Variants in PBX1 observed in about 807,000 individuals in gnomAD.
The protein encoded by PBX1 is PBX homeobox 1, also known as pre-B-cell leukemia transcription factor 1.
A neutral mutation model predicts 53.4 loss-of-function variants in PBX1; 6 were observed. The ratio of observed to expected loss-of-function variants is 0.11; its 90% CI spans 0.06 to 0.22. PBX1 has a LOEUF of 0.22. Ranked by LOEUF, PBX1 falls within the 10% of genes least tolerant of loss-of-function variation. PBX1 has a pLI of 1.00. For missense variants in PBX1, 251 were observed against 551.4 expected (o/e 0.46, Z 5.46); for synonymous variants, 204 against 212.3 (o/e 0.96, Z 0.34).
intron 2 of PBX1, among the ~76,000 whole-genome samples, chr1:164,666,543 A>C (rs1660817477): frequency 6.6e-6 from 1 of 151,988 alleles, no homozygotes; most frequent in South Asian, 2.1e-4. Flanking sequence ...CTGATGGAGC[A>C]AATATTCTGC....
intron 2 of PBX1, among the ~76,000 whole-genome samples, chr1:164,726,733 C>T (rs1368934402): frequency 6.6e-6 from 1 of 152,078 alleles, no homozygotes; most frequent in Non-Finnish European, 1.5e-5. Flanking sequence ...CTAGTAAAAG[C>T]AGCTCTGTAC....
chr1:164,839,430 G>GATAA (rs1227490739), intron 8 of PBX1, among the ~76,000 whole-genome samples: 1 of 152,146 alleles, frequency 6.6e-6, no homozygotes, highest in African/African-American at 2.4e-5. Context: ...GATTTTAAAT[G>GATAA]ATAAATAAAA....
intron 5 of PBX1, among the ~76,000 whole-genome samples, chr1:164,811,030 A>G (rs1423377241): frequency 2.6e-5 from 4 of 152,188 alleles, no homozygotes; most frequent in African/African-American, 9.7e-5. Context: ...TATCAATGAT[A>G]TGTAAGCTGT....
intron 2 of PBX1, among the ~76,000 whole-genome samples, chr1:164,652,398 CT>C (rs1489786884): frequency 1.3e-5 from 2 of 152,152 alleles, no homozygotes; most frequent in African/African-American, 4.8e-5. Flanking sequence ...TCTATATAAC[CT>C]TGTGTCATTT....
Position 164,617,536 on chromosome 1 carries a change from A to T in PBX1, c.265+54225A>T, listed in dbSNP as rs191493472. Reference sequence around the variant, plus strand: ...AGGAAGCGTTGTATTGCCAAGTAAGATTGGGAGTTAAAAGAGCTTTCTGAA... The same window carrying T: ...AGGAAGCGTTGTATTGCCAAGTAAGTTTGGGAGTTAAAAGAGCTTTCTGAA... On this transcript the variant is annotated intron_variant, in intron 2 of 8. Coordinates refer to ENST00000420696, the MANE Select transcript of PBX1 (RefSeq NM_002585.4). Among the ~76,000 whole-genome samples, 13 of 152,298 alleles carry T rather than the reference A, an allele frequency of 8.5e-5. No individual in the cohort carries two copies. In the East Asian group the frequency reaches 2.3e-3, roughly 27 times the overall value.
At chr1:164,810,857 GA>G (rs1669573190) in intron 5 of PBX1, among the ~76,000 whole-genome samples, 1 of 151,862 alleles carries the variant, frequency 6.6e-6, no homozygotes, top group African/African-American at 2.4e-5. Flanking sequence ...GGTACAGACT[GA>G]TTTTTTTTTA....
At chr1:164,878,527 A>G (rs1474930187) in intron 2 of PBX1, among the ~76,000 whole-genome samples, 2 of 152,174 alleles carry the variant, frequency 1.3e-5, no homozygotes, top group African/African-American at 2.4e-5. Context: ...CTTATTACAG[A>G]TGATGAAACT....
downstream of PBX1, among the ~76,000 whole-genome samples, chr1:164,856,415 C>T (rs1339432889): frequency 1.3e-5 from 2 of 152,206 alleles, no homozygotes; most frequent in South Asian, 4.1e-4. Flanking sequence ...ATAGGGCTCA[C>T]TCTCTGCTGT....
chr1:164,590,299 A>G (rs1780335), intron 2 of PBX1: 247,014 of 453,308 alleles, frequency 0.54, 67,991 homozygotes, highest in East Asian at 0.63. Flanking sequence ...AAAGGGGAAC[A>G]CTTTCTTGAT....
rs1304150355 is a variant in PBX1 at position 164,847,812 on chromosome 1, G to A, written c.*1136G>A. The A allele has an allele frequency of 3.0e-5, 32 of 1,054,308 alleles. No individual in the cohort carries two copies. The highest frequency in any genetic ancestry group is 3.7e-5 in the Non-Finnish European group (32 of 872,558). The allele number at this position is 1,054,308 out of a possible 1,614,324, so 65.3% of individuals were successfully genotyped here. The stretch of plus-strand genomic sequence containing the variant: ...TGTCTGGGGCTTCCAGGACCTGCAG[G>A]CCCACTAGCGTGCACTTACCAGAAT... On this transcript the variant is annotated 3_prime_UTR_variant, in exon 9 of 9. Transcript: ENST00000420696.
At chr1:164,696,781 G>A (rs1662821753) in intron 2 of PBX1, among the ~76,000 whole-genome samples, 1 of 152,120 alleles carries the variant, frequency 6.6e-6, no homozygotes, top group African/African-American at 2.4e-5. Context: ...ACTTTCATAG[G>A]ATAGCGCTGT....
chr1:164,592,549 A>G (rs927969348), intron 2 of PBX1, among the ~76,000 whole-genome samples: 1 of 152,236 alleles, frequency 6.6e-6, no homozygotes, highest in African/African-American at 2.4e-5. Flanking sequence ...GTGTCTGAGC[A>G]GAGTCTGAGG....
chr1:164,671,187 T>G lies in PBX1; in HGVS notation c.265+107876T>G, dbSNP rs563456683. Reference sequence around the variant, plus strand: ...TTTTCAAGTGCTAAGATAGCCCTTTTTTTTTTTTTAAAGTCAGAGAAGTTA... The same window carrying G: ...TTTTCAAGTGCTAAGATAGCCCTTTGTTTTTTTTTAAAGTCAGAGAAGTTA... On this transcript the variant is annotated intron_variant, in intron 2 of 8. Coordinates refer to ENST00000420696, the MANE Select transcript of PBX1 (RefSeq NM_002585.4). 2.8e-3 allele frequency among the ~76,000 whole-genome samples: 424 copies of G among 152,230 alleles called. 1 individual carries two copies. Among genetic ancestry groups the G allele is most frequent in the Admixed American group, 4.1e-3 (62 of 15,294 alleles).
chr1:164,874,897 A>G (rs1324551356), intron 2 of PBX1, among the ~76,000 whole-genome samples: 1 of 152,198 alleles, frequency 6.6e-6, no homozygotes, highest in Non-Finnish European at 1.5e-5. Context: ...TAGGAAAATG[A>G]CGGACTCATT....
intron 8 of PBX1, among the ~76,000 whole-genome samples, chr1:164,844,889 C>T (rs1671492262): frequency 6.6e-6 from 1 of 152,200 alleles, no homozygotes; most frequent in Non-Finnish European, 1.5e-5. Context: ...TGTTCTCCGT[C>T]TAATCTGTTT....
At chr1:164,833,210 A>AAAAACC (rs1670854742) in intron 8 of PBX1, among the ~76,000 whole-genome samples, 1 of 150,258 alleles carries the variant, frequency 6.7e-6, no homozygotes, top group Non-Finnish European at 1.5e-5. Flanking sequence ...AAACAAAAAC[A>AAAAACC]AAAAAAAACA....
chr1:164,833,889 CT>C (rs57482828), intron 8 of PBX1, among the ~76,000 whole-genome samples: 4,808 of 139,094 alleles, frequency 0.035, 189 homozygotes, highest in African/African-American at 0.099. Flanking sequence ...GCTTTTTGTA[CT>C]TTTTTTTTTT....
chr1:164,597,540 A>G (rs1421701566), intron 2 of PBX1, among the ~76,000 whole-genome samples: 1 of 152,180 alleles, frequency 6.6e-6, no homozygotes, highest in African/African-American at 2.4e-5. Context: ...AATTTCCCAA[A>G]TCTTTATACA....
chr1:164,646,815 G>A (rs912371764), intron 2 of PBX1, among the ~76,000 whole-genome samples: 11 of 152,226 alleles, frequency 7.2e-5, no homozygotes, highest in African/African-American at 2.7e-4. Context: ...TTTCACAGAG[G>A]TGTGTTTGCT....
Sources: allele counts gnomAD v4.1 joint callset (sites outside exome capture counted in the v4.1 genomes callset), GRCh38; gene constraint gnomAD v4.1.1; transcripts MANE v1.5; gene names NCBI Gene and HGNC (gene_info 2026-07-23, HGNC 2026-07-21).